Variants in FBN2 observed in about 807,000 individuals in gnomAD.
The protein encoded by FBN2 is fibrillin 2, also known as fibrillin-2.
In FBN2, 105 loss-of-function variants were observed where a neutral mutation model predicts 355.6. The ratio of observed to expected loss-of-function variants is 0.30; its 90% confidence interval spans 0.25 to 0.35. FBN2 has a LOEUF of 0.35. Ranked by LOEUF, FBN2 falls within the 10% of genes least tolerant of loss-of-function variation. The pLI is 1.00. For missense variants in FBN2, 3,280 were observed against 3,758.7 expected, an observed-to-expected ratio of 0.87 and a Z score of 3.33; for synonymous variants, 1,350 against 1,301.2, an observed-to-expected ratio of 1.04 and a Z score of -0.81.
intron 48 of FBN2, among the ~76,000 whole-genome samples, chr5:128,296,287 T>C (rs1257386592): frequency 2.0e-5 from 3 of 151,886 alleles, no homozygotes; most frequent in Non-Finnish European, 4.4e-5. Flanking sequence ...AGGATATTGG[T>C]CTAAAATTCT....
chr5:128,348,162 T>G (rs1212206225), intron 23 of FBN2, among the ~76,000 whole-genome samples: 2 of 152,232 alleles, frequency 1.3e-5, no homozygotes, highest in Admixed American at 1.3e-4. Flanking sequence ...CTTCATATAT[T>G]ATAGCATTTC....
chr5:128,281,814 T>A (rs2126812205), intron 55 of FBN2, among the ~76,000 whole-genome samples: 1 of 152,222 alleles, frequency 6.6e-6, no homozygotes, highest in East Asian at 1.9e-4. Context: ...GCCTCCTGAG[T>A]AGCTGGGACT....
intron 37 of FBN2, 105 bp downstream of exon 37, chr5:128,312,529 G>C (rs1330303721): frequency 3.9e-6 from 5 of 1,275,828 alleles, no homozygotes; most frequent in Non-Finnish European, 5.6e-6. Flanking sequence ...CAGTTTTTTT[G>C]TTTTGTCCTC....
chr5:128,450,337 G>A lies in FBN2; in HGVS notation c.827-3731C>T, dbSNP rs78265335. ...AGAAAGTTAAAATAATCCAAAATAT[G>A]TTCTCCAAACACAACAGAGTTAAAC... On this transcript the variant is annotated intron_variant, in intron 6 of 64. Transcript: ENST00000262464. 7.4e-3 allele frequency among the ~76,000 whole-genome samples: 1,126 copies of A among 152,040 alleles called. 14 individuals are homozygous for A. Among genetic ancestry groups the A allele is most frequent in the African/African-American group, 0.026 (1,061 of 41,508 alleles).
At chr5:128,327,760 T>G (rs955152159) in intron 34 of FBN2, among the ~76,000 whole-genome samples, 10 of 152,106 alleles carry the variant, frequency 6.6e-5, no homozygotes, top group Non-Finnish European at 1.3e-4. Flanking sequence ...TGCCTCTGCC[T>G]CCTGAGTAGC....
chr5:128,494,579 C>G (rs907983921), intron 5 of FBN2, among the ~76,000 whole-genome samples: 1 of 152,094 alleles, frequency 6.6e-6, no homozygotes, highest in African/African-American at 2.4e-5. Flanking sequence ...ATTAGTGAGG[C>G]CTAACAGATG....
intron 28 of FBN2, 100 bp downstream of exon 28, chr5:128,335,888 G>C: frequency 7.7e-7 from 1 of 1,290,508 alleles, no homozygotes; most frequent in Admixed American, 1.9e-5. Flanking sequence ...TCATTTTTGG[G>C]ACAAAGGATT....
At chr5:128,455,390 C>T (rs1012446261) in intron 6 of FBN2, among the ~76,000 whole-genome samples, 1 of 152,048 alleles carries the variant, frequency 6.6e-6, no homozygotes, top group East Asian at 1.9e-4. Context: ...ACTCAAATGG[C>T]TCTCAATATT....
At chr5:128,349,906 C>G in intron 22 of FBN2, 49 bp downstream of exon 22, 2 of 1,402,662 alleles carry the variant, frequency 1.4e-6, no homozygotes, top group Non-Finnish European at 2.0e-6. Flanking sequence ...GTTAATTTTA[C>G]TTACTGCTCA....
At chr5:128,525,319 T>G (rs1286926517) in intron 4 of FBN2, among the ~76,000 whole-genome samples, 2 of 152,166 alleles carry the variant, frequency 1.3e-5, no homozygotes, top group African/African-American at 2.4e-5. Context: ...CAATCAGATA[T>G]CCTAACACTT....
At position 128,328,761 on chromosome 5, in the gene FBN2, G is replaced by A. The variant is rs770606176; in HGVS notation, c.4406C>T (p.Pro1469Leu). 15 of 1,613,966 alleles carry A rather than the reference G, an allele frequency of 9.3e-6. No homozygotes were observed. The highest frequency in any genetic ancestry group is 4.4e-5 in the South Asian group (4 of 91,068). Reference sequence around the variant, plus strand: ...CTCACACTCGCAGCGATATGCACCCGGGACATTAAGGCACTGTCCGTTCTC... The same window carrying A: ...CTCACACTCGCAGCGATATGCACCCAGGACATTAAGGCACTGTCCGTTCTC... ...LCENGQCLNV[P>L]GAYRCECEMG... Residue 1469 changes from proline to leucine, a missense_variant, in exon 34 of 65, where the codon CCG becomes CTG. Pro to Leu is a moderately conservative substitution (Grantham distance 98). This residue lies in a region of FBN2 where 2,284 missense variants were observed against 2,749.5 expected (regional missense o/e 0.83). Coordinates refer to ENST00000262464, the MANE Select transcript of FBN2 (RefSeq NM_001999.4).
At chr5:128,430,586 G>A (rs544939263) in intron 7 of FBN2, among the ~76,000 whole-genome samples, 10 of 152,236 alleles carry the variant, frequency 6.6e-5, no homozygotes, top group African/African-American at 1.9e-4. Context: ...GCTTACGCTT[G>A]TAATCTCAGT....
intron 55 of FBN2, 27 bp downstream of exon 55, chr5:128,286,691 A>G (rs749830676): frequency 2.5e-6 from 4 of 1,613,534 alleles, no homozygotes; most frequent in Non-Finnish European, 3.4e-6. Flanking sequence ...GGCATTACAT[A>G]AGCAGACACC....
At chr5:128,471,828 GT>G (rs1442728803) in intron 5 of FBN2, among the ~76,000 whole-genome samples, 1 of 152,088 alleles carries the variant, frequency 6.6e-6, no homozygotes, top group East Asian at 1.9e-4. Context: ...TATACATGTA[GT>G]TTTTAATTTA....
intron 5 of FBN2, among the ~76,000 whole-genome samples, chr5:128,498,494 T>C (rs1042232295): frequency 6.6e-5 from 10 of 152,184 alleles, no homozygotes; most frequent in Non-Finnish European, 1.3e-4. Context: ...TGGTATTCCC[T>C]AGCACCAACC....
At chr5:128,508,444 A>C (rs1036485244) in intron 5 of FBN2, among the ~76,000 whole-genome samples, 1 of 151,920 alleles carries the variant, frequency 6.6e-6, no homozygotes, top group African/African-American at 2.4e-5. Context: ...TAAGGTTTAC[A>C]CCACACATCT....
In FBN2 at chr5:128,326,581, G is replaced by C. The variant is rs1049179974; in HGVS notation, c.4471+2115C>G. 2.0e-5 allele frequency among the ~76,000 whole-genome samples: 3 copies of C among 152,218 alleles called. No individual in the cohort carries two copies. In the East Asian group the frequency reaches 5.8e-4, roughly 29 times the overall value. ...TGGAAAATATTCATCGGAGGATCAT[G>C]TATTTATAATAAGATGGGTAGACAA... On this transcript the variant is annotated intron_variant, in intron 34 of 64. Coordinates refer to ENST00000262464, the MANE Select transcript of FBN2 (RefSeq NM_001999.4).
At chr5:128,401,921 G>C (rs983335382) in intron 8 of FBN2, among the ~76,000 whole-genome samples, 2 of 152,188 alleles carry the variant, frequency 1.3e-5, no homozygotes, top group Non-Finnish European at 2.9e-5. Context: ...AAAGTAAATT[G>C]TAACTTTTTT....
intron 5 of FBN2, among the ~76,000 whole-genome samples, chr5:128,503,088 C>T (rs943251833): frequency 1.3e-5 from 2 of 149,090 alleles, no homozygotes; most frequent in Non-Finnish European, 3.0e-5. Context: ...CAGTTTCCCC[C>T]ATACTGTTCT....
Sources: allele counts gnomAD v4.1 joint callset (sites outside exome capture counted in the v4.1 genomes callset), GRCh38; gene constraint gnomAD v4.1.1; regional missense constraint gnomAD v4.1.1; transcripts MANE v1.5; gene names NCBI Gene and HGNC (gene_info 2026-07-23, HGNC 2026-07-21).